Variants in AUTS2 observed in about 807,000 individuals in gnomAD.
AUTS2 encodes activator of transcription and developmental regulator AUTS2.
A neutral mutation model predicts 112.4 loss-of-function variants in AUTS2; 17 were observed. That is an observed-to-expected ratio of 0.15 (90% CI 0.10 to 0.23). AUTS2 has a LOEUF of 0.23. AUTS2 is among the 10% of genes least tolerant of loss of function. The pLI is 1.00. For synonymous variants in AUTS2, 751 were observed against 702.7 expected (o/e 1.07, Z -1.09); for missense variants, 1,510 against 1,701.6 (o/e 0.89, Z 1.98).
chr7:70,104,138 A>G (rs1804643162), intron 2 of AUTS2, among the ~76,000 whole-genome samples: 1 of 150,176 alleles, frequency 6.7e-6, no homozygotes. Context: ...ATTTTGGGCA[A>G]TTTGAGTCAA....
intron 1 of AUTS2, among the ~76,000 whole-genome samples, chr7:69,784,842 A>C (rs1056651360): frequency 1.3e-5 from 2 of 152,168 alleles, no homozygotes; most frequent in African/African-American, 2.4e-5. Context: ...TAGCTCACTA[A>C]TTTATTAATT....
chr7:70,079,318 C>T (rs1368379057), intron 2 of AUTS2, among the ~76,000 whole-genome samples: 1 of 151,776 alleles, frequency 6.6e-6, no homozygotes, highest in African/African-American at 2.4e-5. Context: ...TTAGTAAAAC[C>T]TTTATTAGAA....
At chr7:69,866,760 T>C (rs894242379) in intron 1 of AUTS2, among the ~76,000 whole-genome samples, 1 of 152,184 alleles carries the variant, frequency 6.6e-6, no homozygotes, top group African/African-American at 2.4e-5. Flanking sequence ...CAGCTTCAAC[T>C]AGAATGTGAG....
At chr7:70,598,181 A>G (rs1030935259) in intron 5 of AUTS2, among the ~76,000 whole-genome samples, 1 of 152,120 alleles carries the variant, frequency 6.6e-6, no homozygotes, top group African/African-American at 2.4e-5. Context: ...CACTGTCCAG[A>G]ATTTTAAGGG....
intron 5 of AUTS2, among the ~76,000 whole-genome samples, chr7:70,560,540 A>C (rs1056634567): frequency 3.3e-5 from 5 of 152,268 alleles, no homozygotes; most frequent in African/African-American, 1.2e-4. Flanking sequence ...TAAACTTTCT[A>C]TCAAAAGCAT....
chr7:69,942,530 T>C (rs987673959), intron 2 of AUTS2, among the ~76,000 whole-genome samples: 1 of 152,188 alleles, frequency 6.6e-6, no homozygotes, highest in African/African-American at 2.4e-5. Context: ...GCATCTATGG[T>C]GACTTTTTTT....
chr7:70,279,926 A>T (rs899973875), intron 4 of AUTS2, among the ~76,000 whole-genome samples: 1 of 152,234 alleles, frequency 6.6e-6, no homozygotes, highest in Non-Finnish European at 1.5e-5. Context: ...AGTAAAGACC[A>T]CAAACTTTAG....
intron 2 of AUTS2, among the ~76,000 whole-genome samples, chr7:70,098,279 C>A (rs529125358): frequency 2.6e-5 from 4 of 152,154 alleles, no homozygotes; most frequent in African/African-American, 4.8e-5. Context: ...AAAACTTTTA[C>A]GGCCTTCCCC....
intron 2 of AUTS2, among the ~76,000 whole-genome samples, chr7:70,014,180 TAGA>T (rs1799927799): frequency 6.6e-6 from 1 of 152,206 alleles, no homozygotes; most frequent in Non-Finnish European, 1.5e-5. Flanking sequence ...AGGCTCTAGT[TAGA>T]TACTGTTCCC....
intron 2 of AUTS2, among the ~76,000 whole-genome samples, chr7:69,990,165 A>C (rs1798686370): frequency 6.6e-6 from 1 of 152,190 alleles, no homozygotes; most frequent in African/African-American, 2.4e-5. Context: ...CTTATCTGTA[A>C]AATAGGGTTA....
intron 6 of AUTS2, among the ~76,000 whole-genome samples, chr7:70,761,320 A>T (rs2129556717): frequency 6.6e-6 from 1 of 152,312 alleles, no homozygotes; most frequent in Non-Finnish European, 1.5e-5. Flanking sequence ...CCACCTCTAA[A>T]ACAAAAAACA....
intron 2 of AUTS2, among the ~76,000 whole-genome samples, chr7:69,922,717 C>T (rs1054675102): frequency 6.6e-6 from 1 of 152,184 alleles, no homozygotes; most frequent in Non-Finnish European, 1.5e-5. Context: ...AGATCATTTA[C>T]TTATAGAGTG....
chr7:69,683,033 C>CA (rs2129170075), intron 1 of AUTS2, among the ~76,000 whole-genome samples: 1 of 152,332 alleles, frequency 6.6e-6, no homozygotes, highest in East Asian at 1.9e-4. Context: ...AAAACAGCTC[C>CA]ACCGTACAGA....
chr7:69,855,465 G>A (rs1792678497), intron 1 of AUTS2, among the ~76,000 whole-genome samples: 1 of 152,038 alleles, frequency 6.6e-6, no homozygotes, highest in African/African-American at 2.4e-5. Context: ...GAAGACCTGG[G>A]CCCTTGTTAC....
chr7:70,496,133 G>A (rs11975103), intron 5 of AUTS2, among the ~76,000 whole-genome samples: 109 of 78,200 alleles, frequency 1.4e-3, no homozygotes, highest in African/African-American at 1.5e-3. Flanking sequence ...CATCAGCATC[G>A]ATCACACACC....
intron 1 of AUTS2, among the ~76,000 whole-genome samples, chr7:69,677,085 C>T (rs1035012266): frequency 1.3e-5 from 2 of 151,974 alleles, no homozygotes; most frequent in South Asian, 2.1e-4. Flanking sequence ...TTAAATGGAG[C>T]TTTTTGAGTA....
intron 2 of AUTS2, among the ~76,000 whole-genome samples, chr7:69,938,326 T>TTA (rs1196847413): frequency 6.6e-6 from 1 of 152,340 alleles, no homozygotes; most frequent in East Asian, 1.9e-4. Flanking sequence ...AACTCCACAT[T>TTA]TAATGCCTAC....
At chr7:69,845,593 T>G (rs1025856715) in intron 1 of AUTS2, among the ~76,000 whole-genome samples, 1 of 152,144 alleles carries the variant, frequency 6.6e-6, no homozygotes, top group Non-Finnish European at 1.5e-5. Context: ...CAGAAATAAA[T>G]CAGGAAAAGG....
chr7:70,723,382 G>A (rs922283386), intron 6 of AUTS2, among the ~76,000 whole-genome samples: 4 of 152,086 alleles, frequency 2.6e-5, no homozygotes, highest in African/African-American at 9.7e-5. Flanking sequence ...GAAGATGGGA[G>A]GTTTTTCGGA....
Sources: allele counts gnomAD v4.1 joint callset (sites outside exome capture counted in the v4.1 genomes callset), GRCh38; gene constraint gnomAD v4.1.1; transcripts MANE v1.5; gene names NCBI Gene and HGNC (gene_info 2026-07-23, HGNC 2026-07-21).